REEP1: variants seen among roughly 807,000 people sequenced by gnomAD.
REEP1 encodes the protein receptor expression-enhancing protein 1.
In REEP1, 22 loss-of-function variants were observed where a neutral mutation model predicts 40.3. The observed-to-expected ratio is 0.55, with a 90% CI of 0.39 to 0.78. The LOEUF (loss-of-function observed/expected upper bound fraction) is 0.78, where lower values mean the gene tolerates loss of function less well. REEP1 is among the 30% of genes least tolerant of loss of function. The pLI is 0.00. For synonymous variants in REEP1, 116 were observed against 139.2 expected (o/e 0.83, Z 1.17); for missense variants, 280 against 361.1 (o/e 0.78, Z 1.82).
At chr2:86,227,284 G>A (rs2104009753) in intron 7 of REEP1, 79 bp downstream of exon 7, 10 of 1,149,786 alleles carry the variant, frequency 8.7e-6, no homozygotes, top group Middle Eastern at 6.6e-4. Context: ...GAGCCCCAGG[G>A]TCAGGTGCCC....
intron 3 of REEP1, among the ~76,000 whole-genome samples, chr2:86,255,463 C>T (rs1481577201): frequency 6.6e-6 from 1 of 152,288 alleles, no homozygotes; most frequent in Middle Eastern, 3.4e-3. Flanking sequence ...GCAGATAGCA[C>T]ATAATTCTGG....
chr2:86,225,799 G>A (rs1368437228), intron 7 of REEP1, among the ~76,000 whole-genome samples: 1 of 152,228 alleles, frequency 6.6e-6, no homozygotes, highest in African/African-American at 2.4e-5. Context: ...GCAGGCTGCA[G>A]GCCAGGCACG....
At chr2:86,321,955 T>C (rs887039443) in intron 1 of REEP1, among the ~76,000 whole-genome samples, 15 of 152,244 alleles carry the variant, frequency 9.9e-5, no homozygotes, top group Admixed American at 2.6e-4. Context: ...AAAAGAATAA[T>C]GACCAGAAAG....
intron 3 of REEP1, among the ~76,000 whole-genome samples, chr2:86,255,404 C>G (rs1376951724): frequency 6.6e-6 from 1 of 152,202 alleles, no homozygotes; most frequent in Non-Finnish European, 1.5e-5. Context: ...CAATGGCAGG[C>G]AAACAGATTT....
intron 1 of REEP1, among the ~76,000 whole-genome samples, chr2:86,321,965 G>A (rs35723061): frequency 0.33 from 49,924 of 151,946 alleles, 9,816 homozygotes; most frequent in East Asian, 0.58. Flanking sequence ...TGACCAGAAA[G>A]GCACAACGCC....
In REEP1 at chr2:86,316,434, G is replaced by A. The variant is rs113318400; in HGVS notation, c.32+21045C>T. 1.5e-3 allele frequency among the ~76,000 whole-genome samples: 228 copies of A among 151,654 alleles called. 1 individual carries two copies. Among genetic ancestry groups the A allele is most frequent in the South Asian group, 0.01 (49 of 4,794 alleles). On this transcript the variant is annotated intron_variant, in intron 1 of 8. Coordinates refer to ENST00000538924, the MANE Select transcript of REEP1 (RefSeq NM_001371279.1). ...GTGGTGGTGGGTGCCTGTAATATCA[G>A]CTATTTGGGAGGCTGAGGTAGGAGA...
intron 2 of REEP1, among the ~76,000 whole-genome samples, chr2:86,271,117 G>A (rs1038761269): frequency 3.9e-5 from 6 of 151,978 alleles, no homozygotes; most frequent in African/African-American, 7.3e-5. Context: ...GCTTGAACCC[G>A]GGAGGCAAAG....
intron 1 of REEP1, among the ~76,000 whole-genome samples, chr2:86,289,198 A>G (rs942153457): frequency 3.3e-5 from 5 of 151,980 alleles, no homozygotes; most frequent in African/African-American, 1.2e-4. Context: ...TCAATACTAG[A>G]TTTTCATTCA....
chr2:86,305,330 G>T (rs376541429), intron 1 of REEP1, among the ~76,000 whole-genome samples: 11 of 152,168 alleles, frequency 7.2e-5, no homozygotes, highest in African/African-American at 2.7e-4. Flanking sequence ...TTTGGCCCCA[G>T]CCCTCTGCCT....
At chr2:86,245,931 A>ATT (rs1266717151) in intron 5 of REEP1, among the ~76,000 whole-genome samples, 1 of 151,658 alleles carries the variant, frequency 6.6e-6, no homozygotes, top group Non-Finnish European at 1.5e-5. Flanking sequence ...CGCCCGGCTA[A>ATT]TTTTTTGTAT....
At chr2:86,320,965 C>T (rs1043988394) in intron 1 of REEP1, among the ~76,000 whole-genome samples, 2 of 152,152 alleles carry the variant, frequency 1.3e-5, no homozygotes, top group Admixed American at 6.5e-5. Context: ...ATTACAGGTG[C>T]CCGCCACCAA....
chr2:86,311,340 A>T (rs1679756162), intron 1 of REEP1, among the ~76,000 whole-genome samples: 1 of 152,182 alleles, frequency 6.6e-6, no homozygotes, highest in Admixed American at 6.5e-5. Flanking sequence ...AAGGTAGTGG[A>T]CACTGCATTA....
chr2:86,337,458 G>A lies in REEP1; in HGVS notation c.32+21C>T. 1 of 1,260,772 alleles carries A rather than the reference G, an allele frequency of 7.9e-7. No individual in the cohort carries two copies. Among genetic ancestry groups the A allele is most frequent in the Non-Finnish European group, 1.0e-6 (1 of 998,818 alleles). The allele number at this position is 1,260,772 out of a possible 1,614,324, so 78.1% of individuals were successfully genotyped here. A position where few individuals can be genotyped will look rare whatever the true frequency, so the allele number is the denominator to read the frequency against. On this transcript the variant is annotated intron_variant, in intron 1 of 8. Coordinates refer to ENST00000538924, the MANE Select transcript of REEP1 (RefSeq NM_001371279.1). The surrounding 1 kb of genome is among the most constrained non-coding windows in gnomAD (Gnocchi z 5.8). Reference sequence around the variant, plus strand: ...GCGGGGAGGGAGGGGACGGAGGGGCGCGGGGGAGAAGGCCACTTACACCAC... The same window carrying A: ...GCGGGGAGGGAGGGGACGGAGGGGCACGGGGGAGAAGGCCACTTACACCAC...
chr2:86,220,223 A>G (rs1445181402), intron 7 of REEP1, 102 bp from the exon 8 acceptor site: 1 of 801,550 alleles, frequency 1.2e-6, no homozygotes, highest in Non-Finnish European at 1.7e-6. Flanking sequence ...AGCACAGCAA[A>G]CCAGGCCTGT....
At chr2:86,337,783 T>C, upstream of REEP1, 2 of 801,998 alleles carry the variant, frequency 2.5e-6, no homozygotes, top group Non-Finnish European at 1.7e-6. This position sits in a 1 kb window ranked among gnomAD's most constrained non-coding sequence, Gnocchi z 5.8. Flanking sequence ...CCCGTCCCGC[T>C]CGCCCTGGCC....
chr2:86,334,044 G>A (rs1680893539), intron 1 of REEP1, among the ~76,000 whole-genome samples: 2 of 152,202 alleles, frequency 1.3e-5, no homozygotes, highest in Admixed American at 6.5e-5. Context: ...CTTGTCCCCA[G>A]GGCCTAGGAT....
At chr2:86,299,438 C>G (rs1679160508) in intron 1 of REEP1, among the ~76,000 whole-genome samples, 1 of 152,212 alleles carries the variant, frequency 6.6e-6, no homozygotes, top group South Asian at 2.1e-4. Context: ...AAAACAGCCC[C>G]TGCTTGAGAA....
At chr2:86,329,333 C>T (rs1680656838) in intron 1 of REEP1, among the ~76,000 whole-genome samples, 1 of 152,180 alleles carries the variant, frequency 6.6e-6, no homozygotes, top group Non-Finnish European at 1.5e-5. Flanking sequence ...CCGCAGTTTC[C>T]AGGCTTGAGG....
At chr2:86,251,250 T>C (rs941842042) in intron 5 of REEP1, 1 of 152,852 alleles carries the variant, frequency 6.5e-6, no homozygotes, top group East Asian at 1.9e-4. Flanking sequence ...AATGACAAAT[T>C]GACGACAACA....
Sources: gnomAD v4.1 joint callset for allele counts (sites outside exome capture counted in the v4.1 genomes callset) on GRCh38, gnomAD v4.1.1 for gene constraint, Gnocchi (gnomAD v3.1) non-coding constraint, MANE v1.5 for transcripts, NCBI Gene and HGNC (gene_info 2026-07-23, HGNC 2026-07-21) for gene names.